LILRB3: variants seen among roughly 807,000 people sequenced by gnomAD.
The protein encoded by LILRB3 is leukocyte immunoglobulin like receptor B3, also known as leukocyte immunoglobulin-like receptor subfamily B member 3.
LILRB3 carries 32 observed loss-of-function variants against 68.2 expected under a neutral mutation model. That is an observed-to-expected ratio of 0.47 (90% CI 0.35 to 0.63). The LOEUF (loss-of-function observed/expected upper bound fraction) is 0.63, where lower values mean the gene tolerates loss of function less well. Among genes scored for constraint, LILRB3 ranks in the 30% least tolerant of loss-of-function variants. The pLI is 0.00. For missense variants in LILRB3, 502 were observed against 791.3 expected, an observed-to-expected ratio of 0.63 and a Z score of 4.39; for synonymous variants, 185 against 323.1, an observed-to-expected ratio of 0.57 and a Z score of 4.58.
chr19:54,219,115 G>A lies in LILRB3; in HGVS notation c.1426+14C>T, dbSNP rs371289445. On this transcript the variant is annotated intron_variant, in intron 8 of 12. Coordinates refer to ENST00000445347, the Ensembl canonical transcript of LILRB3. The stretch of plus-strand genomic sequence containing the variant: ...CCCTCGGTCGACCCATGGGTCCCCC[G>A]CTTCCCTACTCACCAGATGTCCTGT... 3.4e-5 allele frequency: 54 copies of A among 1,578,806 alleles called. No homozygotes were observed. Among genetic ancestry groups the A allele is most frequent in the South Asian group, 3.0e-4 (26 of 86,244 alleles).
rs4806726 is a variant in LILRB3, at chr19:54,220,136, A to G, written c.1309+19T>C. On this transcript the variant is annotated intron_variant, in intron 7 of 12. Transcript: ENST00000445347. ...GCCCTGGGGGAGGCGGCGCTCCCCA[A>G]GAGGCCTCAGTGACTCACCAGGTGT... The G allele has an allele frequency of 1.7e-5, 24 of 1,424,938 alleles. 1 individual carries two copies. Among genetic ancestry groups the G allele is most frequent in the Non-Finnish European group, 2.2e-5 (23 of 1,054,534 alleles). The allele number at this position is 1,424,938 out of a possible 1,614,324, so 88.3% of individuals were successfully genotyped here. A position where few individuals can be genotyped will look rare whatever the true frequency, so the allele number is the denominator to read the frequency against.
At position 54,218,431 on chromosome 19, in the gene LILRB3, G is replaced by A. The variant is rs759079531; in HGVS notation, c.1541-18C>T. On this transcript the variant is annotated intron_variant, in intron 10 of 12. Transcript: ENST00000445347. Reference sequence around the variant, plus strand: ...AGCAGCATCTGCTGGGGCAGAGCAAGGGGTTCGTCTCCTGGTTCTCTGAGA... The same window carrying A: ...AGCAGCATCTGCTGGGGCAGAGCAAAGGGTTCGTCTCCTGGTTCTCTGAGA... The A allele has an allele frequency of 5.3e-5, 85 of 1,613,874 alleles. No individual in the cohort carries two copies. The highest frequency in any genetic ancestry group is 8.8e-5 in the South Asian group (8 of 91,076).
rs1380326644 is a variant in LILRB3, at chr19:54,219,734, C to T, written c.1309+421G>A. The T allele has an allele frequency of 4.7e-6, 7 of 1,478,656 alleles. No individual in the cohort carries two copies. The East Asian group carries it at 1.2e-4, about 26-fold the overall frequency. 91.6% of individuals were successfully genotyped at this position (1,478,656 alleles called of 1,614,324 possible). ...CACCCACAGGCCTCTCTCCTTTACA[C>T]TTGGAGAAACTGAGGCCCAGGCAGG... On this transcript the variant is annotated intron_variant, in intron 7 of 12. Coordinates refer to ENST00000445347, the Ensembl canonical transcript of LILRB3.
intron 11 of LILRB3, among the ~76,000 whole-genome samples, chr19:54,217,916 A>G (rs149998392): frequency 0.15 from 21,799 of 149,630 alleles, 1,797 homozygotes; most frequent in African/African-American, 0.25. Context: ...CCTGGACACG[A>G]TGCATTTATT....
intron 4 of LILRB3, 111 bp downstream of exon 4, chr19:54,221,717 C>A: frequency 6.3e-7 from 1 of 1,576,094 alleles, no homozygotes; most frequent in Non-Finnish European, 8.6e-7. Context: ...GCCTTCAGCC[C>A]GTCCTTCAAC....
At position 54,222,730 on chromosome 19, in the gene LILRB3, G is replaced by C; in HGVS notation, c.70+17C>G. ...CAGTGAGGAGTAGGGACCTGGGACA[G>C]CTGGGGACAGACTCACCTGCCTGCA... On this transcript the variant is annotated intron_variant, in intron 2 of 12. Transcript: ENST00000445347. 2 of 1,612,594 alleles carry C rather than the reference G, an allele frequency of 1.2e-6. No homozygotes were observed. Among genetic ancestry groups the C allele is most frequent in the Non-Finnish European group, 1.7e-6 (2 of 1,179,878 alleles).
In LILRB3 at chr19:54,218,265, G is replaced by A. The variant is rs1467149666; in HGVS notation, c.1593+96C>T. ...TGGACAAGGAGGGGTCCACCGTGACGATGCTGAGAGCCGGGGGAAGGAGGA... is the reference window on the plus strand; with the variant it reads ...TGGACAAGGAGGGGTCCACCGTGACAATGCTGAGAGCCGGGGGAAGGAGGA... On this transcript the variant is annotated intron_variant, in intron 11 of 12. Transcript: ENST00000445347. 8 of 1,516,254 alleles carry A rather than the reference G, an allele frequency of 5.3e-6. No individual in the cohort carries two copies. The East Asian group carries it at 9.0e-5, about 17-fold the overall frequency. The allele number at this position is 1,516,254 out of a possible 1,614,324, so 93.9% of individuals were successfully genotyped here.
At chr19:54,222,867 T>A in intron 1 of LILRB3, 76 bp downstream of exon 1, 4 of 1,612,588 alleles carry the variant, frequency 2.5e-6, no homozygotes, top group Non-Finnish European at 3.4e-6. Context: ...TGAGGTCTCC[T>A]GATGGACCAG....
At chr19:54,218,722 C>A in intron 9 of LILRB3, 40 bp from the exon 10 acceptor site, 1 of 1,614,074 alleles carries the variant, frequency 6.2e-7, no homozygotes, top group South Asian at 1.1e-5. Context: ...AGTGTATGGG[C>A]TGTGGTGGGT....
At chr19:54,219,584 A>G in intron 7 of LILRB3, 1 of 1,546,936 alleles carries the variant, frequency 6.5e-7, no homozygotes, top group Non-Finnish European at 8.7e-7. Context: ...CCCCTGCCCC[A>G]GGTCACCGTC....
intron 8 of LILRB3, 109 bp from the exon 9 acceptor site, chr19:54,218,947 C>G: frequency 6.4e-7 from 1 of 1,555,298 alleles, no homozygotes; most frequent in African/African-American, 1.4e-5. Flanking sequence ...CATGGATGTT[C>G]CAAATATTTT....
In LILRB3 at chr19:54,222,940, C is replaced by A; in HGVS notation, c.34+3G>T. 3 of 1,612,644 alleles carry A rather than the reference C, an allele frequency of 1.9e-6. No homozygotes were observed. The highest frequency in any genetic ancestry group is 2.5e-6 in the Non-Finnish European group (3 of 1,179,882). ...TCTCCCCCTCCCCATCTTGAAATCT[C>A]ACCAAGGCAGAGCAGGGCTGTGAGG... On this transcript the variant is annotated splice_donor_region_variant and intron_variant, in intron 1 of 12. Transcript: ENST00000445347.
At chr19:54,221,135 G>A in exon 5 of LILRB3, 1 of 1,152,236 alleles carries the variant, frequency 8.7e-7, no homozygotes, top group Admixed American at 2.6e-5. Context: ...CGGAGGAGAG[G>A]TTGTGTGCAC....
At chr19:54,219,515 C>T (rs538251670) in intron 7 of LILRB3, 83 of 1,550,372 alleles carry the variant, frequency 5.4e-5, no homozygotes, top group Non-Finnish European at 6.6e-5. Context: ...GCACCAGAGC[C>T]GAGACCCGGA....
intron 7 of LILRB3, 171 bp downstream of exon 7, chr19:54,219,984 T>TCC (rs201021797): frequency 0.18 from 223,576 of 1,261,616 alleles, 61,652 homozygotes; most frequent in African/African-American, 0.24. Context: ...CGGCTCCTCC[T>TCC]CCTGGCTGGG....
rs59533602 is a variant in LILRB3, at chr19:54,221,872, C to T, written c.614G>A (p.Trp205Ter). Residue 205 changes from tryptophan (W) to a stop codon, truncating the protein, a stop_gained, in exon 4 of 13, where the codon TGG (tryptophan) becomes TAG (stop). Coordinates refer to ENST00000445347, the Ensembl canonical transcript of LILRB3. LOFTEE classifies it high-confidence loss of function. ...GGGGTCACTGGGGTGGGACCACACC[C>T]AGGGGGTGTTTGTATAATAGTAATA... The T allele has an allele frequency of 0.027, 40,119 of 1,463,298 alleles. 5,257 individuals carry two copies. The highest frequency in any genetic ancestry group is 0.14 in the African/African-American group (7,898 of 57,328). The allele number at this position is 1,463,298 out of a possible 1,614,324, so 90.6% of individuals were successfully genotyped here. A position where few individuals can be genotyped will look rare whatever the true frequency, so the allele number is the denominator to read the frequency against.
At chr19:54,219,230 A>C in exon 8 of LILRB3, 1 of 1,584,076 alleles carries the variant, frequency 6.3e-7, no homozygotes, top group Non-Finnish European at 8.6e-7. Context: ...CAAAACCTCC[A>C]GGTATCTTCC....
chr19:54,221,046 A>T lies in LILRB3; in HGVS notation c.955+37T>A. 2 of 1,366,664 alleles carry T rather than the reference A, an allele frequency of 1.5e-6. 1 individual carries two copies. The highest frequency in any genetic ancestry group is 2.5e-5 in the South Asian group (2 of 79,066). The allele number at this position is 1,366,664 out of a possible 1,614,324, so 84.7% of individuals were successfully genotyped here. A position where few individuals can be genotyped will look rare whatever the true frequency, so the allele number is the denominator to read the frequency against. ...GGCTCCCCCGGCAGGGCCTGTGCAG[A>T]GCCTGGGTCCCTGACTGAACCCGCT... is the stretch of plus-strand genomic sequence containing the variant. On this transcript the variant is annotated intron_variant, in intron 5 of 12. Transcript: ENST00000445347.
Position 54,219,837 on chromosome 19 carries a change from C to T in LILRB3, c.1309+318G>A, listed in dbSNP as rs148495306. The stretch of plus-strand genomic sequence containing the variant: ...ACCCACCCCTGCCTCCCCTGGACCC[C>T]GCCCATCTCCCACTCAGAGCCCCTC... On this transcript the variant is annotated intron_variant, in intron 7 of 12. Coordinates refer to ENST00000445347, the Ensembl canonical transcript of LILRB3. 6,235 of 1,542,418 alleles carry T rather than the reference C, an allele frequency of 4.0e-3. 234 individuals carry two copies. In the African/African-American group the frequency reaches 0.077, roughly 19 times the overall value.
Sources: gnomAD v4.1 joint callset for allele counts (sites outside exome capture counted in the v4.1 genomes callset) on GRCh38, gnomAD v4.1.1 for gene constraint, MANE v1.5 for transcripts, NCBI Gene and HGNC (gene_info 2026-07-23, HGNC 2026-07-21) for gene names.